ERCC6: variants seen among roughly 807,000 people sequenced by gnomAD.
The protein encoded by ERCC6 is DNA excision repair protein ERCC-6.
Under a neutral mutation model 158.7 loss-of-function variants are expected in ERCC6, and 116 were observed. The ratio of observed to expected loss-of-function variants is 0.73; its 90% CI spans 0.63 to 0.85. ERCC6 has a LOEUF of 0.85. ERCC6 is among the 40% of genes least tolerant of loss of function. The pLI is 0.00. For missense variants in ERCC6, 1,698 were observed against 1,799.4 expected (o/e 0.94, Z 1.02); for synonymous variants, 678 against 659.3 (o/e 1.03, Z -0.43).
At chr10:49,473,663 G>T in intron 13 of ERCC6, 76 bp from the exon 14 acceptor site, 1 of 857,302 alleles carries the variant, frequency 1.2e-6, no homozygotes, top group Non-Finnish European at 2.0e-6. Context: ...TTGTGTAAAT[G>T]GTAACACCTT....
chr10:49,513,500 T>C (rs1836860893), intron 5 of ERCC6, among the ~76,000 whole-genome samples: 1 of 152,176 alleles, frequency 6.6e-6, no homozygotes, highest in Non-Finnish European at 1.5e-5. Context: ...TTCACTGCTA[T>C]AAAGAAATAC....
Position 49,536,045 on chromosome 10 carries a change from G to A in ERCC6, c.-15+2917C>T, listed in dbSNP as rs543714597. ...GCACGAGAATCGCTTGAACCCAGGA[G>A]GCAGAGGTTGCAGTGAGCTGAGATC... On this transcript the variant is annotated intron_variant, in intron 1 of 20. Transcript: ENST00000355832. 4.6e-5 allele frequency among the ~76,000 whole-genome samples: 7 copies of A among 152,320 alleles called. No individual in the cohort carries two copies. The East Asian group carries it at 1.4e-3, about 29-fold the overall frequency.
intron 5 of ERCC6, among the ~76,000 whole-genome samples, chr10:49,523,457 A>G (rs1226653355): frequency 6.6e-6 from 1 of 152,260 alleles, no homozygotes; most frequent in East Asian, 1.9e-4. Context: ...AACAACAGTG[A>G]AAAGAAAGGT....
At chr10:49,528,297 TA>T in intron 4 of ERCC6, 119 bp downstream of exon 4, 1 of 1,211,160 alleles carries the variant, frequency 8.3e-7, no homozygotes, top group Non-Finnish European at 1.2e-6. Flanking sequence ...GTTTTGACAC[TA>T]AGGCAAAGAA....
chr10:49,493,630 C>A (rs1462261857), intron 7 of ERCC6, among the ~76,000 whole-genome samples: 3 of 152,156 alleles, frequency 2.0e-5, no homozygotes, highest in Non-Finnish European at 4.4e-5. Context: ...ATAATAGAAT[C>A]TTAAATTTGT....
intron 5 of ERCC6, chr10:49,516,403 C>A (rs907984364): frequency 6.2e-7 from 1 of 1,614,098 alleles, no homozygotes; most frequent in African/African-American, 1.3e-5. Flanking sequence ...TCCACTGGAT[C>A]CAAATTTGCA....
intron 10 of ERCC6, among the ~76,000 whole-genome samples, chr10:49,482,125 C>A (rs1850990756): frequency 6.6e-6 from 1 of 152,202 alleles, no homozygotes; most frequent in Admixed American, 6.5e-5. Flanking sequence ...TTCACTGCGC[C>A]CTGCCACATA....
intron 18 of ERCC6, among the ~76,000 whole-genome samples, chr10:49,464,615 G>A (rs985015115): frequency 6.6e-6 from 1 of 152,234 alleles, no homozygotes; most frequent in African/African-American, 2.4e-5. Context: ...GGGAAAAAGT[G>A]GTTTCACGGG....
In ERCC6 at chr10:49,500,685, G is replaced by T; in HGVS notation, c.1538C>A (p.Thr513Lys). 6.2e-7 allele frequency: 1 copy of T among 1,613,728 alleles called. No homozygotes were observed. The highest frequency in any genetic ancestry group is 8.5e-7 in the Non-Finnish European group (1 of 1,179,816). Reference protein sequence around the residue: ...LFKKLFKYQQTGVRWLWELHC... With the variant: ...LFKKLFKYQQKGVRWLWELHC... ...CAATTCCCACAGCCACCTAACACCTGTCTGCTGGTACCTATGACAACAAAC... is the reference window on the plus strand; with the variant it reads ...CAATTCCCACAGCCACCTAACACCTTTCTGCTGGTACCTATGACAACAAAC... Residue 513 changes from threonine to lysine, a missense_variant, in exon 7 of 21, where the codon ACA (threonine) becomes AAA (lysine). Physicochemically the swap from Thr to Lys is moderately conservative, Grantham distance 78 (BLOSUM62 -1). Coordinates refer to ENST00000355832, the MANE Select transcript of ERCC6 (RefSeq NM_000124.4).
intron 8 of ERCC6, among the ~76,000 whole-genome samples, chr10:49,488,850 CT>C (rs2132559165): frequency 6.6e-6 from 1 of 152,196 alleles, no homozygotes; most frequent in East Asian, 1.9e-4. Flanking sequence ...GTGGCGTGAT[CT>C]CAGCTCACTG....
chr10:49,470,112 C>T lies in ERCC6; in HGVS notation c.3778+70G>A, dbSNP rs35909102. 1.8e-4 allele frequency: 242 copies of T among 1,368,398 alleles called. No individual in the cohort carries two copies. In the African/African-American group the frequency reaches 2.8e-3, roughly 16 times the overall value. 84.8% of individuals were successfully genotyped at this position (1,368,398 alleles called of 1,614,324 possible). On this transcript the variant is annotated intron_variant, in intron 18 of 20. Coordinates refer to ENST00000355832, the MANE Select transcript of ERCC6 (RefSeq NM_000124.4). ...TCTATGCACCATCAGTTAAAGACTG[C>T]TACTGCTAGAAACAGCCTACTCATT...
chr10:49,514,445 A>G (rs1240507115), intron 5 of ERCC6, among the ~76,000 whole-genome samples: 1 of 152,216 alleles, frequency 6.6e-6, no homozygotes, highest in Non-Finnish European at 1.5e-5. Flanking sequence ...GTTGCCTGAG[A>G]TCATATTAAT....
Position 49,458,785 on chromosome 10 carries a change from G to A in ERCC6, c.*30C>T, listed in dbSNP as rs1850524256. The stretch of plus-strand genomic sequence containing the variant: ...TAATCAGAAATGCCCGTTAGAAAAA[G>A]GGACTTGAAAGTTTAGGAAGCAATG... On this transcript the variant is annotated 3_prime_UTR_variant, in exon 21 of 21. Coordinates refer to ENST00000355832, the MANE Select transcript of ERCC6 (RefSeq NM_000124.4). The A allele has an allele frequency of 6.2e-7, 1 of 1,610,276 alleles. No individual in the cohort carries two copies. The highest frequency in any genetic ancestry group is 1.3e-5 in the African/African-American group (1 of 74,944).
chr10:49,491,953 T>C (rs1255564175), intron 8 of ERCC6, among the ~76,000 whole-genome samples: 3 of 152,232 alleles, frequency 2.0e-5, no homozygotes, highest in Non-Finnish European at 2.9e-5. Flanking sequence ...GACAACAATC[T>C]ATACTGCTAT....
Position 49,516,140 on chromosome 10 carries a change from A to G in ERCC6, c.1397+7893T>C, listed in dbSNP as rs752023217. 6 of 1,614,042 alleles carry G rather than the reference A, an allele frequency of 3.7e-6. No homozygotes were observed. In the East Asian group the frequency reaches 6.7e-5, roughly 18 times the overall value. On this transcript the variant is annotated intron_variant, in intron 5 of 20. Coordinates refer to ENST00000355832, the MANE Select transcript of ERCC6 (RefSeq NM_000124.4). ...GAAGGACAAGTGACGCACCGACACC[A>G]TATTCCTCATGTTTAGTATTTGGGT...
chr10:49,443,673 C>T, the ERCC6 span, among the ~76,000 whole-genome samples: 1 of 152,176 alleles, frequency 6.6e-6, no homozygotes, highest in Non-Finnish European at 1.5e-5. Flanking sequence ...GTACCATTTG[C>T]TATCTTTTAT....
At chr10:49,447,252 A>C in the ERCC6 span, among the ~76,000 whole-genome samples, 1 of 152,276 alleles carries the variant, frequency 6.6e-6, no homozygotes, top group African/African-American at 2.4e-5. Flanking sequence ...ATAGACTGAA[A>C]GCAATATTGA....
the ERCC6 span, among the ~76,000 whole-genome samples, chr10:49,444,802 A>T: frequency 6.6e-6 from 1 of 152,328 alleles, no homozygotes; most frequent in East Asian, 1.9e-4. Flanking sequence ...GACAAGAACA[A>T]CTTTCACACA....
intron 5 of ERCC6, among the ~76,000 whole-genome samples, chr10:49,511,323 T>C (rs566149344): frequency 5.3e-5 from 8 of 152,284 alleles, no homozygotes; most frequent in East Asian, 3.9e-4. Flanking sequence ...AGGAAGGAAA[T>C]AGTGTTTTTG....
Sources: allele counts gnomAD v4.1 joint callset (sites outside exome capture counted in the v4.1 genomes callset), GRCh38; gene constraint gnomAD v4.1.1; transcripts MANE v1.5; gene names NCBI Gene and HGNC (gene_info 2026-07-23, HGNC 2026-07-21).